The following CDC42 variants were observed in gnomAD, a reference collection of about 807,000 sequenced individuals.
CDC42 encodes the protein cell division control protein 42 homolog.
CDC42 carries 1 observed loss-of-function variant against 20.8 expected under a neutral mutation model. The observed-to-expected ratio is 0.05, with a 90% CI of 0.02 to 0.23. CDC42 has a LOEUF of 0.23. Ranked by LOEUF, CDC42 falls within the 10% of genes least tolerant of loss-of-function variation. The pLI is 1.00. For synonymous variants in CDC42, 72 were observed against 84.8 expected, an observed-to-expected ratio of 0.85 and a Z score of 0.83; for missense variants, 49 against 227.9, an observed-to-expected ratio of 0.21 and a Z score of 5.05.
chr1:22,057,933 G>C (rs1400442040), intron 1 of CDC42, among the ~76,000 whole-genome samples: 1 of 151,940 alleles, frequency 6.6e-6, no homozygotes, highest in Admixed American at 6.6e-5. Context: ...CACCATGTTG[G>C]TCAGGCTGGT....
Position 22,096,955 on chromosome 1 carries a change from T to G in CDC42, c.*5438T>G, listed in dbSNP as rs930775650. ...CATACACAATGTTGTATTGAGATGATTGTTATTCTACATTGTATTTATTTA... is the reference window on the plus strand; with the variant it reads ...CATACACAATGTTGTATTGAGATGAGTGTTATTCTACATTGTATTTATTTA... On this transcript the variant is annotated 3_prime_UTR_variant, in exon 6 of 6. Transcript: ENST00000656825. Among the ~76,000 whole-genome samples the G allele has an allele frequency of 2.6e-5, 4 of 152,280 alleles. No homozygotes were observed. Among genetic ancestry groups the G allele is most frequent in the African/African-American group, 7.2e-5 (3 of 41,478 alleles).
chr1:22,078,774 G>GGTGA, intron 2 of CDC42, 191 bp downstream of exon 2: 1 of 1,477,380 alleles, frequency 6.8e-7, no homozygotes, highest in South Asian at 1.2e-5. Context: ...AGTCAGAAGG[G>GGTGA]GTGACACAGG....
At chr1:22,061,487 G>A (rs1483691844) in intron 1 of CDC42, among the ~76,000 whole-genome samples, 1 of 143,092 alleles carries the variant, frequency 7.0e-6, no homozygotes, top group Non-Finnish European at 1.5e-5. Context: ...ATTTTAAAGG[G>A]TTAGGGAAGT....
In CDC42 at chr1:22,096,802, A is replaced by G. The variant is rs1645761584; in HGVS notation, c.*5285A>G. On this transcript the variant is annotated 3_prime_UTR_variant, in exon 6 of 6. Coordinates refer to ENST00000656825, the MANE Select transcript of CDC42 (RefSeq NM_001791.4). ...CGACTTGTAATAATTTAGTGATTTTATTTTCCAAAGCAAGGCATTTGGTTG... is the reference window on the plus strand; with the variant it reads ...CGACTTGTAATAATTTAGTGATTTTGTTTTCCAAAGCAAGGCATTTGGTTG... Among the ~76,000 whole-genome samples the G allele has an allele frequency of 6.6e-6, 1 of 152,228 alleles. No individual in the cohort carries two copies. The highest frequency in any genetic ancestry group is 6.5e-5 in the Admixed American group (1 of 15,292).
chr1:22,086,257 C>G (rs574156293), intron 3 of CDC42, among the ~76,000 whole-genome samples, 182 bp from the exon 4 acceptor site: 1 of 152,234 alleles, frequency 6.6e-6, no homozygotes, highest in Middle Eastern at 3.4e-3. Context: ...CATTGCTGTT[C>G]TGAGTGCTTG....
intron 1 of CDC42, among the ~76,000 whole-genome samples, chr1:22,066,311 G>A (rs922051935): frequency 3.3e-5 from 5 of 151,972 alleles, no homozygotes; most frequent in South Asian, 2.1e-4. Flanking sequence ...GGAGGCAGAC[G>A]TTGCAGTAAG....
At chr1:22,083,553 C>A (rs996866576) in intron 3 of CDC42, among the ~76,000 whole-genome samples, 2 of 151,810 alleles carry the variant, frequency 1.3e-5, no homozygotes, top group Non-Finnish European at 2.9e-5. Context: ...TGCAGTGAGC[C>A]GAGATTCTGC....
chr1:22,060,380 G>A (rs916935266), intron 1 of CDC42, among the ~76,000 whole-genome samples: 3 of 152,056 alleles, frequency 2.0e-5, no homozygotes, highest in Non-Finnish European at 2.9e-5. Flanking sequence ...ATTACTCCAT[G>A]TGGAAGGAGG....
At chr1:22,075,091 G>C (rs1645533909) in intron 1 of CDC42, among the ~76,000 whole-genome samples, 1 of 152,142 alleles carries the variant, frequency 6.6e-6, no homozygotes, top group African/African-American at 2.4e-5. Context: ...TTTCTCAGAA[G>C]GTCAGATAAC....
chr1:22,085,595 A>G lies in CDC42; in HGVS notation c.179-844A>G, dbSNP rs16826520. 1.5e-4 allele frequency among the ~76,000 whole-genome samples: 23 copies of G among 152,232 alleles called. No individual in the cohort carries two copies. The South Asian group carries it at 4.6e-3, about 30-fold the overall frequency. On this transcript the variant is annotated intron_variant, in intron 3 of 5. Transcript: ENST00000656825. ...ATTTATGTCTTCTTTAATTTCTTTC[A>G]GCAGTTTTGAATTTTTTTGTTATCC... is the stretch of plus-strand genomic sequence containing the variant.
chr1:22,071,903 C>T (rs1645496156), intron 1 of CDC42, among the ~76,000 whole-genome samples: 1 of 152,026 alleles, frequency 6.6e-6, no homozygotes, highest in African/African-American at 2.4e-5. Context: ...TTCTGATACT[C>T]CCACCCCACA....
At chr1:22,086,601 G>A in intron 4 of CDC42, 53 bp downstream of exon 4, 1 of 1,586,094 alleles carries the variant, frequency 6.3e-7, no homozygotes, top group Non-Finnish European at 8.7e-7. Flanking sequence ...AATTTCTACT[G>A]ACCTGTTATA....
At chr1:22,067,338 C>T (rs1180753830) in intron 1 of CDC42, among the ~76,000 whole-genome samples, 1 of 151,822 alleles carries the variant, frequency 6.6e-6, no homozygotes, top group Non-Finnish European at 1.5e-5. Context: ...TCTTCTTTTT[C>T]TTTTTTTGAC....
At chr1:22,084,312 C>G (rs1645637000) in intron 3 of CDC42, among the ~76,000 whole-genome samples, 1 of 87,710 alleles carries the variant, frequency 1.1e-5, no homozygotes. Flanking sequence ...TAGTCACATT[C>G]TTCTGTTCGA....
rs1003274783 is a variant in CDC42 at position 22,095,791 on chromosome 1, C to G, written c.*4274C>G. Among the ~76,000 whole-genome samples, 7 of 152,084 alleles carry G rather than the reference C, an allele frequency of 4.6e-5. No homozygotes were observed. The highest frequency in any genetic ancestry group is 7.4e-5 in the Non-Finnish European group (5 of 68,006). Reference sequence around the variant, plus strand: ...GGCTTTGTGTTTGTCATTCTGGAGCCTAGTTCCAGAGAGCAGTGGCTGCTT... The same window carrying G: ...GGCTTTGTGTTTGTCATTCTGGAGCGTAGTTCCAGAGAGCAGTGGCTGCTT... On this transcript the variant is annotated 3_prime_UTR_variant, in exon 6 of 6. Coordinates refer to ENST00000656825, the MANE Select transcript of CDC42 (RefSeq NM_001791.4).
In CDC42 at chr1:22,100,719, G is replaced by T. The variant is rs1296774484; in HGVS notation, c.*9202G>T. The T allele has an allele frequency of 6.6e-6, 1 of 152,186 alleles. No homozygotes were observed. Among genetic ancestry groups the T allele is most frequent in the Non-Finnish European group, 1.5e-5 (1 of 68,034 alleles). 9.4% of individuals were successfully genotyped at this position (152,186 alleles called of 1,614,324 possible). On this transcript the variant is annotated 3_prime_UTR_variant, in exon 6 of 6. Transcript: ENST00000656825. ...TTCTGGGTCTTAAACTGCTGTATCA[G>T]TGAGGGGCTTCCTCCTCATACTCAT...
chr1:22,094,493 T>A lies in CDC42; in HGVS notation c.*2976T>A, dbSNP rs554886129. ...TTTGTATTTTTAGTAGAGACGGGGTTTCACCGTGTTAGCCAGAATGGTCTC... is the reference window on the plus strand; with the variant it reads ...TTTGTATTTTTAGTAGAGACGGGGTATCACCGTGTTAGCCAGAATGGTCTC... On this transcript the variant is annotated 3_prime_UTR_variant, in exon 6 of 6. Coordinates refer to ENST00000656825, the MANE Select transcript of CDC42 (RefSeq NM_001791.4). Among the ~76,000 whole-genome samples, 1 of 148,616 alleles carries A rather than the reference T, an allele frequency of 6.7e-6. No homozygotes were observed. Among genetic ancestry groups the A allele is most frequent in the South Asian group, 2.2e-4 (1 of 4,646 alleles).
rs1570054200 is a variant in CDC42, at chr1:22,094,250, A to G, written c.*2733A>G. 7.2e-6 allele frequency among the ~76,000 whole-genome samples: 1 copy of G among 138,900 alleles called. No homozygotes were observed. Among genetic ancestry groups the G allele is most frequent in the Non-Finnish European group, 1.5e-5 (1 of 64,762 alleles). The allele number at this position is 138,900 out of a possible 152,430, so 91.1% of individuals were successfully genotyped here. ...ATAGTATTTAATACGATGTTAATAT[A>G]TTATTGCTATTTATAAGTGTTTTAC... On this transcript the variant is annotated 3_prime_UTR_variant, in exon 6 of 6. Coordinates refer to ENST00000656825, the MANE Select transcript of CDC42 (RefSeq NM_001791.4).
In CDC42 at chr1:22,099,568, A is replaced by G. The variant is rs1247681889; in HGVS notation, c.*8051A>G. On this transcript the variant is annotated 3_prime_UTR_variant, in exon 6 of 6. Coordinates refer to ENST00000656825, the MANE Select transcript of CDC42 (RefSeq NM_001791.4). ...CAAAGCTGAAAATCGTAGTTGAAGC[A>G]TCATATAGTGCACAGGGCAAGCAAA... Among the ~76,000 whole-genome samples, 1 of 152,240 alleles carries G rather than the reference A, an allele frequency of 6.6e-6. No individual in the cohort carries two copies. Among genetic ancestry groups the G allele is most frequent in the Non-Finnish European group, 1.5e-5 (1 of 68,038 alleles).
Sources: gnomAD v4.1 joint callset for allele counts (sites outside exome capture counted in the v4.1 genomes callset) on GRCh38, gnomAD v4.1.1 for gene constraint, MANE v1.5 for transcripts, NCBI Gene and HGNC (gene_info 2026-07-23, HGNC 2026-07-21) for gene names.